The following NDFIP2 variants were observed in gnomAD, a reference collection of about 807,000 sequenced individuals.
NDFIP2 encodes NEDD4 family-interacting protein 2.
In NDFIP2, 19 loss-of-function variants were observed where a neutral mutation model predicts 36.0. The ratio of observed to expected loss-of-function variants is 0.53; its 90% CI spans 0.37 to 0.77. The LOEUF (loss-of-function observed/expected upper bound fraction) is 0.77, where lower values mean the gene tolerates loss of function less well. NDFIP2 is among the 30% of genes least tolerant of loss of function. NDFIP2 has a pLI of 0.00. For synonymous variants in NDFIP2, 181 were observed against 167.7 expected (o/e 1.08, Z -0.61); for missense variants, 446 against 435.8 (o/e 1.02, Z -0.21).
intron 1 of NDFIP2, among the ~76,000 whole-genome samples, chr13:79,506,827 T>G (rs746150779): frequency 7.9e-4 from 120 of 152,060 alleles, no homozygotes; most frequent in Non-Finnish European, 9.7e-4. Context: ...AAATTTAAAT[T>G]ATTATTTTGT....
At chr13:79,482,169 C>CTTTTTT (rs10558361) in intron 1 of NDFIP2, among the ~76,000 whole-genome samples, 43 of 75,886 alleles carry the variant, frequency 5.7e-4, no homozygotes, top group African/African-American at 1.6e-3. Flanking sequence ...TTCTTTCTTT[C>CTTTTTT]TTTTTTTTTT....
chr13:79,500,140 G>T (rs1873600492), intron 1 of NDFIP2, among the ~76,000 whole-genome samples: 1 of 150,234 alleles, frequency 6.7e-6, no homozygotes, highest in African/African-American at 2.4e-5. Flanking sequence ...TTCAACAAAT[G>T]GTGCTGGAAC....
chr13:79,543,384 T>A (rs764255097), intron 4 of NDFIP2, among the ~76,000 whole-genome samples, 174 bp from the exon 5 acceptor site: 1 of 152,204 alleles, frequency 6.6e-6, no homozygotes. Flanking sequence ...ATATACAGTA[T>A]AGCAAATAAG....
chr13:79,552,095 AC>A (rs1875930812), intron 7 of NDFIP2, among the ~76,000 whole-genome samples: 1 of 151,380 alleles, frequency 6.6e-6, no homozygotes, highest in Non-Finnish European at 1.5e-5. Context: ...TACTATGAAT[AC>A]ATTTGTATTT....
In NDFIP2 at chr13:79,543,585, T is replaced by G; in HGVS notation, c.743T>G (p.Phe248Cys). ...GCATTTATTTTCAACTGGCTTGGAT[T>G]TTGTTTATCCTTCTGTATCACCAAT... is the stretch of plus-strand genomic sequence containing the variant. ...FMAFIFNWLG[F>C]CLSFCITNTI... Residue 248 changes from phenylalanine to cysteine, a missense_variant, in exon 5 of 8, where the codon TTT becomes TGT. By Grantham distance (205) the Phe-to-Cys change is radical. This residue lies in a region of NDFIP2 where 77 missense variants were observed against 131.0 expected (regional missense o/e 0.59). Coordinates refer to ENST00000218652, the MANE Select transcript of NDFIP2 (RefSeq NM_019080.3). The G allele has an allele frequency of 6.2e-7, 1 of 1,613,868 alleles. No individual in the cohort carries two copies. Among genetic ancestry groups the G allele is most frequent in the Non-Finnish European group, 8.5e-7 (1 of 1,179,890 alleles).
intron 1 of NDFIP2, among the ~76,000 whole-genome samples, chr13:79,507,731 A>G (rs1873923335): frequency 6.6e-6 from 1 of 152,032 alleles, no homozygotes; most frequent in Admixed American, 6.6e-5. Flanking sequence ...TAAATATTAA[A>G]ACTATGAAAC....
rs1454824183 is a variant in NDFIP2, at chr13:79,542,505, G to GTTTTT, written c.716-1051_716-1047dup. On this transcript the variant is annotated intron_variant, in intron 4 of 7. Coordinates refer to ENST00000218652, the MANE Select transcript of NDFIP2 (RefSeq NM_019080.3). ...GTTGATGGTTTTTTTGTGTTGTTCT[G>GTTTTT]TTTTTTGTTTTTTTTTTCAGACATT... is the stretch of plus-strand genomic sequence containing the variant. Among the ~76,000 whole-genome samples the GTTTTT allele has an allele frequency of 7.1e-3, 1,054 of 149,132 alleles. 23 individuals are homozygous for GTTTTT. Among genetic ancestry groups the GTTTTT allele is most frequent in the African/African-American group, 0.025 (1,001 of 39,566 alleles).
chr13:79,546,190 C>G (rs992454668), intron 5 of NDFIP2, among the ~76,000 whole-genome samples: 1 of 151,048 alleles, frequency 6.6e-6, no homozygotes, highest in South Asian at 2.1e-4. Flanking sequence ...AAAGTTTTCT[C>G]CTAAAAACCT....
At chr13:79,507,277 T>C (rs199939286) in intron 1 of NDFIP2, among the ~76,000 whole-genome samples, 356 of 18,640 alleles carry the variant, frequency 0.019, 7 homozygotes, top group African/African-American at 0.062. Flanking sequence ...GTTTTTTTTT[T>C]TTTTTTTTTT....
At chr13:79,490,402 G>A (rs1168602818) in intron 1 of NDFIP2, among the ~76,000 whole-genome samples, 1 of 152,146 alleles carries the variant, frequency 6.6e-6, no homozygotes, top group Non-Finnish European at 1.5e-5. Context: ...GTGATCACAT[G>A]CTCGTGAAGA....
intron 6 of NDFIP2, 55 bp from the exon 7 acceptor site, chr13:79,550,962 C>A (rs1397708601): frequency 5.9e-6 from 6 of 1,020,200 alleles, no homozygotes; most frequent in Non-Finnish European, 7.1e-6. Flanking sequence ...TTAAATTTAT[C>A]TTGCCCTTTT....
intron 1 of NDFIP2, among the ~76,000 whole-genome samples, chr13:79,489,133 A>G (rs1185415781): frequency 6.6e-6 from 1 of 152,166 alleles, no homozygotes; most frequent in Non-Finnish European, 1.5e-5. Context: ...TTAAGATTCC[A>G]TGGGTTGAGT....
At chr13:79,495,703 T>C (rs1452253077) in intron 1 of NDFIP2, among the ~76,000 whole-genome samples, 1 of 151,924 alleles carries the variant, frequency 6.6e-6, no homozygotes, top group African/African-American at 2.4e-5. Flanking sequence ...ATGTAATTGT[T>C]GATATGGTTG....
intron 1 of NDFIP2, among the ~76,000 whole-genome samples, chr13:79,519,983 T>TA (rs1874504050): frequency 6.6e-6 from 1 of 150,638 alleles, no homozygotes; most frequent in Admixed American, 6.6e-5. Context: ...GTATTTTTAG[T>TA]AGAGATAGGG....
intron 1 of NDFIP2, among the ~76,000 whole-genome samples, chr13:79,495,600 A>G (rs1203133758): frequency 1.3e-5 from 2 of 151,974 alleles, no homozygotes; most frequent in Non-Finnish European, 3.0e-5. Flanking sequence ...CTTTCAACCT[A>G]TCTAGGTCCT....
chr13:79,542,649 TAC>T (rs1307405636), intron 4 of NDFIP2, among the ~76,000 whole-genome samples: 2 of 152,082 alleles, frequency 1.3e-5, no homozygotes, highest in Non-Finnish European at 2.9e-5. Context: ...GTCAAAAAGT[TAC>T]AGTTTTTAAA....
intron 2 of NDFIP2, among the ~76,000 whole-genome samples, chr13:79,521,766 G>T (rs1874591185): frequency 6.6e-6 from 1 of 150,568 alleles, no homozygotes; most frequent in South Asian, 2.1e-4. Context: ...TTTTTTCATG[G>T]TGTCCTCACT....
At chr13:79,535,946 G>A (rs1875220603) in intron 3 of NDFIP2, among the ~76,000 whole-genome samples, 3 of 152,130 alleles carry the variant, frequency 2.0e-5, no homozygotes, top group Non-Finnish European at 2.9e-5. Flanking sequence ...CATCAAATTA[G>A]CATTTGAGTA....
At chr13:79,505,323 T>G (rs1181572470) in intron 1 of NDFIP2, among the ~76,000 whole-genome samples, 1 of 152,148 alleles carries the variant, frequency 6.6e-6, no homozygotes, top group African/African-American at 2.4e-5. Flanking sequence ...TTATCCTTAC[T>G]GTGGGAGTTC....
Sources: gnomAD v4.1 joint callset for allele counts (sites outside exome capture counted in the v4.1 genomes callset) on GRCh38, gnomAD v4.1.1 for gene constraint, gnomAD v4.1.1 regional missense constraint, MANE v1.5 for transcripts, NCBI Gene and HGNC (gene_info 2026-07-23, HGNC 2026-07-21) for gene names.